PSTPIP2: variants seen among roughly 807,000 people sequenced by gnomAD.
The protein encoded by PSTPIP2 is proline-serine-threonine phosphatase interacting protein 2.
In PSTPIP2, 33 loss-of-function variants were observed where a neutral mutation model predicts 63.3. The observed-to-expected ratio is 0.52, with a 90% confidence interval of 0.40 to 0.70. PSTPIP2 has a LOEUF of 0.70. Among genes scored for constraint, PSTPIP2 ranks in the 30% least tolerant of loss-of-function variants. The pLI is 0.00. For synonymous variants in PSTPIP2, 125 were observed against 132.7 expected (o/e 0.94, Z 0.40); for missense variants, 312 against 400.7 (o/e 0.78, Z 1.89).
At chr18:46,055,093 T>C (rs1393897120) in intron 1 of PSTPIP2, among the ~76,000 whole-genome samples, 1 of 152,150 alleles carries the variant, frequency 6.6e-6, no homozygotes, top group African/African-American at 2.4e-5. Flanking sequence ...GCACTGGTCT[T>C]TCTGTTCCTC....
At chr18:45,999,752 G>A (rs1568211777) in intron 6 of PSTPIP2, among the ~76,000 whole-genome samples, 1 of 152,128 alleles carries the variant, frequency 6.6e-6, no homozygotes, top group Non-Finnish European at 1.5e-5. Context: ...TGTAATAGTG[G>A]CAACCTGATC....
intron 1 of PSTPIP2, among the ~76,000 whole-genome samples, chr18:46,051,920 A>C (rs1212472664): frequency 1.3e-5 from 2 of 152,224 alleles, no homozygotes; most frequent in African/African-American, 4.8e-5. Context: ...ATTACCGGGC[A>C]AATCAGTGAT....
intron 4 of PSTPIP2, among the ~76,000 whole-genome samples, chr18:46,014,091 C>G (rs536781187): frequency 6.6e-6 from 1 of 151,970 alleles, no homozygotes; most frequent in African/African-American, 2.4e-5. Flanking sequence ...GGCAAGATCT[C>G]TGCTCACTAC....
chr18:45,994,957 TCTGTAAAAGCCC>T (rs1813470708), intron 9 of PSTPIP2, among the ~76,000 whole-genome samples: 1 of 152,180 alleles, frequency 6.6e-6, no homozygotes. Flanking sequence ...TTTTTCAGAT[TCTGTAAAAGCCC>T]CTGTGTGATT....
At chr18:45,991,162 C>T (rs1460724929) in intron 12 of PSTPIP2, among the ~76,000 whole-genome samples, 5 of 152,146 alleles carry the variant, frequency 3.3e-5, no homozygotes, top group South Asian at 2.1e-4. Flanking sequence ...GTGCCTGACA[C>T]GCTTAAATAC....
In PSTPIP2 at chr18:45,991,619, T is replaced by C. The variant is rs1297217803; in HGVS notation, c.920+283A>G. ...CTCTCAGGGGCCATAGTTTGCTGAC[T>C]GGCTGTAAGAAAAGTATAGGATTTC... On this transcript the variant is annotated intron_variant, in intron 12 of 14. Coordinates refer to ENST00000409746, the MANE Select transcript of PSTPIP2 (RefSeq NM_024430.4). 8.5e-5 allele frequency among the ~76,000 whole-genome samples: 13 copies of C among 152,324 alleles called. No homozygotes were observed. The East Asian group carries it at 2.5e-3, about 29-fold the overall frequency.
intron 2 of PSTPIP2, chr18:46,029,747 A>C (rs1379720521): frequency 1.7e-6 from 1 of 603,208 alleles, no homozygotes; most frequent in African/African-American, 1.8e-5. Flanking sequence ...CCAGTCATTA[A>C]AAAGAAAACT....
intron 1 of PSTPIP2, among the ~76,000 whole-genome samples, chr18:46,045,372 GA>G (rs1292990942): frequency 6.6e-6 from 1 of 152,168 alleles, no homozygotes; most frequent in Non-Finnish European, 1.5e-5. Context: ...GAACATGGAT[GA>G]AATTGGAAAT....
In PSTPIP2 at chr18:45,984,160, A is replaced by G. The variant is rs905128614; in HGVS notation, c.*1299T>C. 19 of 152,318 alleles carry G rather than the reference A, an allele frequency of 1.2e-4. No individual in the cohort carries two copies. Among genetic ancestry groups the G allele is most frequent in the African/African-American group, 3.9e-4 (16 of 41,556 alleles). The allele number at this position is 152,318 out of a possible 1,614,324, so 9.4% of individuals were successfully genotyped here. On this transcript the variant is annotated 3_prime_UTR_variant, in exon 15 of 15. Transcript: ENST00000409746. The stretch of plus-strand genomic sequence containing the variant: ...GAGACTCTGTCTCAAAAAAAAGAAA[A>G]AAAGATGAGGAAATAATCAATCTTC...
intron 1 of PSTPIP2, among the ~76,000 whole-genome samples, chr18:46,066,973 G>A (rs908702734): frequency 1.3e-5 from 2 of 149,836 alleles, no homozygotes; most frequent in African/African-American, 4.9e-5. Flanking sequence ...GTTGCAGTGA[G>A]CCGAGATCTC....
chr18:45,993,329 G>A (rs1224031322), intron 10 of PSTPIP2, among the ~76,000 whole-genome samples: 1 of 151,980 alleles, frequency 6.6e-6, no homozygotes, highest in Non-Finnish European at 1.5e-5. Context: ...TCCTGACCTC[G>A]GGTGATCCAC....
intron 2 of PSTPIP2, among the ~76,000 whole-genome samples, chr18:46,035,193 G>A (rs573387452): frequency 6.6e-6 from 1 of 152,106 alleles, no homozygotes; most frequent in Non-Finnish European, 1.5e-5. Context: ...AGGCTGAGGT[G>A]GGCTGGATCA....
intron 1 of PSTPIP2, among the ~76,000 whole-genome samples, chr18:46,057,692 A>G (rs1490172827): frequency 6.6e-6 from 1 of 152,046 alleles, no homozygotes; most frequent in African/African-American, 2.4e-5. Flanking sequence ...ATTAGCAAAA[A>G]AGAAAAATCA....
chr18:46,060,939 A>T (rs566361948), intron 1 of PSTPIP2, among the ~76,000 whole-genome samples: 5 of 152,336 alleles, frequency 3.3e-5, no homozygotes, highest in South Asian at 4.1e-4. Context: ...ACACGTATAA[A>T]ACAGCAGAGA....
intron 1 of PSTPIP2, among the ~76,000 whole-genome samples, chr18:46,054,464 A>G (rs1908684584): frequency 1.3e-5 from 2 of 152,154 alleles, no homozygotes; most frequent in Admixed American, 1.3e-4. Context: ...AACCCATGGG[A>G]CACAAAGAGC....
chr18:46,006,360 CTTTTTTTTTTTT>C lies in PSTPIP2; in HGVS notation c.355-841_355-830del, dbSNP rs756384731. ...TGAGCCACCATGCCCAGCCCTGGTA[CTTTTTTTTTTTT>C]TTTTTTTTTTTTTTTCTGAGACAGA... On this transcript the variant is annotated intron_variant, in intron 5 of 14. Transcript: ENST00000409746. 7.7e-4 allele frequency among the ~76,000 whole-genome samples: 89 copies of C among 115,640 alleles called. 3 individuals carry two copies. Among genetic ancestry groups the C allele is most frequent in the Middle Eastern group, 4.4e-3 (1 of 228 alleles). 75.9% of individuals were successfully genotyped at this position (115,640 alleles called of 152,430 possible).
At chr18:45,990,778 G>A (rs1397900409) in intron 12 of PSTPIP2, 22 bp from the exon 13 acceptor site, 1 of 1,572,374 alleles carries the variant, frequency 6.4e-7, no homozygotes, top group South Asian at 1.1e-5. Flanking sequence ...GAAAACCAAA[G>A]TATTTTAGAT....
chr18:45,989,939 C>G (rs2051508548), intron 13 of PSTPIP2: 1 of 152,266 alleles, frequency 6.6e-6, no homozygotes, highest in Non-Finnish European at 1.5e-5. Flanking sequence ...AGACTGCCCT[C>G]ACATCCCATA....
Position 45,985,414 on chromosome 18 carries a change from A to G in PSTPIP2, c.*45T>C, listed in dbSNP as rs57589400. 250,348 of 1,606,104 alleles carry G rather than the reference A, an allele frequency of 0.16. 27,909 individuals are homozygous for G. The highest frequency in any genetic ancestry group is 0.51 in the African/African-American group (38,258 of 74,320). On this transcript the variant is annotated 3_prime_UTR_variant, in exon 15 of 15. Coordinates refer to ENST00000409746, the MANE Select transcript of PSTPIP2 (RefSeq NM_024430.4). ...TCCTGCTGCTCTGGGTGCCCTTTCC[A>G]TATCACAGAAGCACTAGCCGGAAAA...
Sources: gnomAD v4.1 joint callset for allele counts (sites outside exome capture counted in the v4.1 genomes callset) on GRCh38, gnomAD v4.1.1 for gene constraint, MANE v1.5 for transcripts, NCBI Gene and HGNC (gene_info 2026-07-23, HGNC 2026-07-21) for gene names.